Variants in WASF3 observed in about 807,000 individuals in gnomAD.
WASF3 encodes actin-binding protein WASF3.
In WASF3, 11 loss-of-function variants were observed where a neutral mutation model predicts 46.6. That is an observed-to-expected ratio of 0.24 (90% CI 0.15 to 0.39). The LOEUF is 0.39. Ranked by LOEUF, WASF3 falls within the 10% of genes least tolerant of loss-of-function variation. The pLI is 1.00. For synonymous variants in WASF3, 242 were observed against 259.7 expected, an observed-to-expected ratio of 0.93 and a Z score of 0.65; for missense variants, 576 against 669.8, an observed-to-expected ratio of 0.86 and a Z score of 1.55.
intron 7 of WASF3, among the ~76,000 whole-genome samples, chr13:26,677,708 T>G (rs1426656612): frequency 6.6e-6 from 1 of 152,264 alleles, no homozygotes; most frequent in Non-Finnish European, 1.5e-5. Context: ...TATTGGAGCT[T>G]TAACTGAGTT....
chr13:26,613,339 T>A (rs1177151671), intron 2 of WASF3, among the ~76,000 whole-genome samples: 1 of 152,164 alleles, frequency 6.6e-6, no homozygotes, highest in African/African-American at 2.4e-5. Flanking sequence ...GTTTATGACT[T>A]ATTAAGCTGA....
chr13:26,649,318 CAG>C (rs1428228362), intron 3 of WASF3, among the ~76,000 whole-genome samples: 1 of 152,118 alleles, frequency 6.6e-6, no homozygotes, highest in East Asian at 1.9e-4. Flanking sequence ...TCAAGAGAAA[CAG>C]AAGACAGTCA....
At chr13:26,613,969 T>C (rs1022414837) in intron 2 of WASF3, among the ~76,000 whole-genome samples, 1 of 152,194 alleles carries the variant, frequency 6.6e-6, no homozygotes, top group Non-Finnish European at 1.5e-5. Flanking sequence ...GTTATTTCTT[T>C]GAGCTTCACT....
At chr13:26,557,472 G>T (rs1221548766), upstream of WASF3, among the ~76,000 whole-genome samples, 1 of 151,820 alleles carries the variant, frequency 6.6e-6, no homozygotes, top group African/African-American at 2.4e-5. Context: ...CCGAGCTGGG[G>T]GCGGAGGACC....
the WASF3 span, among the ~76,000 whole-genome samples, chr13:26,540,145 G>T: frequency 6.6e-6 from 1 of 152,140 alleles, no homozygotes; most frequent in African/African-American, 2.4e-5. Flanking sequence ...GCCCTAGAAG[G>T]ACTGACCATC....
chr13:26,580,877 G>A (rs191975085), intron 1 of WASF3, among the ~76,000 whole-genome samples: 15 of 151,456 alleles, frequency 9.9e-5, no homozygotes, highest in African/African-American at 3.4e-4. Flanking sequence ...TGCCCAGCTC[G>A]GCCTCCCAAA....
chr13:26,549,727 CT>C, the WASF3 span, among the ~76,000 whole-genome samples: 2 of 152,160 alleles, frequency 1.3e-5, no homozygotes, highest in Admixed American at 1.3e-4. Context: ...ACACCTAAAT[CT>C]GTTAAGATCT....
At chr13:26,630,816 C>A (rs1881629416) in intron 2 of WASF3, among the ~76,000 whole-genome samples, 1 of 152,222 alleles carries the variant, frequency 6.6e-6, no homozygotes, top group South Asian at 2.1e-4. Context: ...TCCTCTCCAG[C>A]ATATGTTGTT....
chr13:26,663,007 G>T (rs1023298106), intron 3 of WASF3, among the ~76,000 whole-genome samples: 12 of 152,158 alleles, frequency 7.9e-5, no homozygotes, highest in African/African-American at 2.4e-4. Flanking sequence ...GTGATGCATG[G>T]GTTCGGGGGT....
Position 26,610,303 on chromosome 13 carries a change from C to T in WASF3, c.-108-2658C>T, listed in dbSNP as rs530332620. 3.9e-5 allele frequency among the ~76,000 whole-genome samples: 6 copies of T among 152,338 alleles called. No individual in the cohort carries two copies. The South Asian group carries it at 1.2e-3, about 32-fold the overall frequency. On this transcript the variant is annotated intron_variant, in intron 1 of 9. Coordinates refer to ENST00000335327, the MANE Select transcript of WASF3 (RefSeq NM_006646.6). ...TGAAGCTGTCCCTGCCGTTGCCCCT[C>T]CAGCTGTAGCCACCTTCTCCCTTGT...
At position 26,613,997 on chromosome 13, in the gene WASF3, A is replaced by G. The variant is rs115287070; in HGVS notation, c.-11+939A>G. Among the ~76,000 whole-genome samples, 862 of 152,332 alleles carry G rather than the reference A, an allele frequency of 5.7e-3. 10 individuals carry two copies. The highest frequency in any genetic ancestry group is 0.02 in the African/African-American group (821 of 41,578). ...GCTTCACTTTCCTCATATGCAGAAT[A>G]CTATCATCTGTCTTGCCTGATTTAT... On this transcript the variant is annotated intron_variant, in intron 2 of 9. Transcript: ENST00000335327.
intron 1 of WASF3, chr13:26,577,152 A>C: frequency 1.3e-6 from 1 of 767,434 alleles, no homozygotes; most frequent in South Asian, 1.3e-5. Flanking sequence ...TGATTACTGA[A>C]GATGTTCAGG....
At chr13:26,620,905 C>T (rs1881284778) in intron 2 of WASF3, among the ~76,000 whole-genome samples, 3 of 152,128 alleles carry the variant, frequency 2.0e-5, no homozygotes, top group South Asian at 2.1e-4. Flanking sequence ...TACATTATTC[C>T]ATAGACACAA....
At chr13:26,613,334 T>C (rs928084211) in intron 2 of WASF3, among the ~76,000 whole-genome samples, 1 of 152,158 alleles carries the variant, frequency 6.6e-6, no homozygotes, top group Non-Finnish European at 1.5e-5. Context: ...ATGTAGTTTA[T>C]GACTTATTAA....
intron 1 of WASF3, among the ~76,000 whole-genome samples, chr13:26,568,138 G>A (rs2137149039): frequency 6.6e-6 from 1 of 152,232 alleles, no homozygotes; most frequent in Admixed American, 6.5e-5. Flanking sequence ...GGTGCACTTT[G>A]GATTTTATTC....
intron 5 of WASF3, among the ~76,000 whole-genome samples, chr13:26,669,777 G>A (rs905112767): frequency 4.6e-5 from 7 of 152,206 alleles, no homozygotes; most frequent in African/African-American, 1.7e-4. Flanking sequence ...GCCTCCCAAA[G>A]TGCTGGGATC....
chr13:26,620,018 G>A (rs1333839344), intron 2 of WASF3, among the ~76,000 whole-genome samples: 2 of 152,128 alleles, frequency 1.3e-5, no homozygotes, highest in African/African-American at 4.8e-5. Context: ...GGGATGTGGT[G>A]GGCAGAGCAC....
chr13:26,569,294 G>C (rs1228674080), intron 1 of WASF3, among the ~76,000 whole-genome samples: 1 of 152,182 alleles, frequency 6.6e-6, no homozygotes, highest in African/African-American at 2.4e-5. Flanking sequence ...CCTAATGGCA[G>C]AATGCACATT....
intron 2 of WASF3, among the ~76,000 whole-genome samples, chr13:26,634,707 G>A (rs1220155902): frequency 1.3e-5 from 2 of 152,136 alleles, no homozygotes; most frequent in East Asian, 3.8e-4. Context: ...CTCAGCATTT[G>A]CTTGTCTGTG....
Sources: gnomAD v4.1 joint callset for allele counts (sites outside exome capture counted in the v4.1 genomes callset) on GRCh38, gnomAD v4.1.1 for gene constraint, MANE v1.5 for transcripts, NCBI Gene and HGNC (gene_info 2026-07-23, HGNC 2026-07-21) for gene names.